Variants in HGD observed in about 807,000 individuals in gnomAD.
HGD encodes the protein homogentisate 1,2-dioxygenase, also known as homogentisate oxidase.
Under a neutral mutation model 60.8 loss-of-function variants are expected in HGD, and 61 were observed. The ratio of observed to expected loss-of-function variants is 1.00; its 90% CI spans 0.82 to 1.24. The LOEUF (loss-of-function observed/expected upper bound fraction) is 1.24. Ranked by LOEUF, HGD falls within the 50% of genes most tolerant of loss-of-function variation. The probability of loss-of-function intolerance (pLI) is 0.00; values close to 1 mark genes in which losing one functional copy is unlikely to be tolerated. For synonymous variants in HGD, 212 were observed against 187.7 expected, an observed-to-expected ratio of 1.13 and a Z score of -1.06; for missense variants, 542 against 547.1, an observed-to-expected ratio of 0.99 and a Z score of 0.09.
chr3:120,675,741 T>C, intron 2 of HGD, 51 bp downstream of exon 2: 1 of 1,426,280 alleles, frequency 7.0e-7, no homozygotes, highest in Non-Finnish European at 9.9e-7. Flanking sequence ...TGAAAGCTAG[T>C]CATCCAGGAA....
intron 5 of HGD, among the ~76,000 whole-genome samples, 182 bp from the exon 6 acceptor site, chr3:120,651,047 G>A (rs1941327790): frequency 6.6e-6 from 1 of 152,230 alleles, no homozygotes; most frequent in Non-Finnish European, 1.5e-5. Context: ...ATGTTTGGTA[G>A]TTTGTGGTTT....
At chr3:120,635,496 A>G (rs898897758) in intron 12 of HGD, among the ~76,000 whole-genome samples, 39 of 151,692 alleles carry the variant, frequency 2.6e-4, no homozygotes, top group Non-Finnish European at 2.4e-4. Context: ...AAAAAAAAAA[A>G]AAAGCTGAAT....
In HGD at chr3:120,650,766, C is replaced by A. The variant is rs745572601; in HGVS notation, c.434+8G>T. ...GGGCATGTCCTTCCCTAGAACTGAG[C>A]CACTTACCTGTTCTCCATGGAGGTA... On this transcript the variant is annotated splice_region_variant and intron_variant, in intron 6 of 13. Transcript: ENST00000283871. 2.5e-6 allele frequency: 4 copies of A among 1,607,302 alleles called. No individual in the cohort carries two copies. Among genetic ancestry groups the A allele is most frequent in the Non-Finnish European group, 3.4e-6 (4 of 1,173,830 alleles).
chr3:120,668,906 T>G (rs1488521920), intron 4 of HGD, among the ~76,000 whole-genome samples: 1 of 152,162 alleles, frequency 6.6e-6, no homozygotes, highest in Non-Finnish European at 1.5e-5. Flanking sequence ...GGCAATACAC[T>G]GGGGTTCTCA....
rs564631079 is a variant in HGD, at chr3:120,659,980, A to T, written c.283-7329T>A. On this transcript the variant is annotated intron_variant, in intron 4 of 13. Transcript: ENST00000283871. Reference sequence around the variant, plus strand: ...GCATAATGGGGGTGGATTTCTCACGAATGGCTTAGCACTACCCTCTTGGTG... The same window carrying T: ...GCATAATGGGGGTGGATTTCTCACGTATGGCTTAGCACTACCCTCTTGGTG... 3.9e-5 allele frequency among the ~76,000 whole-genome samples: 6 copies of T among 152,014 alleles called. No individual in the cohort carries two copies. In the East Asian group the frequency reaches 1.2e-3, roughly 29 times the overall value.
chr3:120,639,570 C>T (rs903088004), intron 11 of HGD, among the ~76,000 whole-genome samples: 45 of 152,162 alleles, frequency 3.0e-4, no homozygotes, highest in African/African-American at 1.1e-3. Context: ...TGAGAACCAA[C>T]GGTGCCTGCT....
At chr3:120,655,887 C>T (rs1414395697) in intron 4 of HGD, among the ~76,000 whole-genome samples, 1 of 152,156 alleles carries the variant, frequency 6.6e-6, no homozygotes, top group Admixed American at 6.5e-5. Flanking sequence ...AACTATAATT[C>T]CATAATTCTC....
At chr3:120,669,904 C>G (rs1707986511) in intron 4 of HGD, among the ~76,000 whole-genome samples, 1 of 152,094 alleles carries the variant, frequency 6.6e-6, no homozygotes, top group Non-Finnish European at 1.5e-5. Flanking sequence ...AAATTCCCAC[C>G]TCATATCATT....
intron 9 of HGD, 118 bp from the exon 10 acceptor site, chr3:120,644,561 C>T (rs775652460): frequency 8.3e-6 from 13 of 1,569,178 alleles, no homozygotes; most frequent in African/African-American, 1.3e-5. Context: ...AAATTGCTTT[C>T]ATTGCTCAAA....
chr3:120,674,952 T>C lies in HGD; in HGVS notation c.125A>G (p.Glu42Gly). Reference sequence around the variant, plus strand: ...AGTGAAAGCCGATCCTGAGAGCTGCTCAGCATAGAGATTGTAGGGGCAGAC... The same window carrying C: ...AGTGAAAGCCGATCCTGAGAGCTGCCCAGCATAGAGATTGTAGGGGCAGAC... ...PQVCPYNLYA[E>G]QLSGSAFTCP... is the part of the protein sequence containing the mutation. Residue 42 changes from glutamate to glycine, a missense_variant, in exon 3 of 14, where the codon GAG becomes GGG. Transcript: ENST00000283871. 6.2e-7 allele frequency: 1 copy of C among 1,612,132 alleles called. No individual in the cohort carries two copies. The highest frequency in any genetic ancestry group is 8.5e-7 in the Non-Finnish European group (1 of 1,178,474).
chr3:120,644,280 C>T, intron 10 of HGD, 39 bp downstream of exon 10: 1 of 1,612,658 alleles, frequency 6.2e-7, no homozygotes, highest in Non-Finnish European at 8.5e-7. Flanking sequence ...CTCAATCACT[C>T]TTCATTTCCT....
chr3:120,655,413 A>C (rs539633329), intron 4 of HGD, among the ~76,000 whole-genome samples: 3 of 152,344 alleles, frequency 2.0e-5, no homozygotes, highest in East Asian at 1.9e-4. Context: ...GATCCCCACC[A>C]AATGACAGAG....
Position 120,638,561 on chromosome 3 carries a change from T to C in HGD, c.900A>G (p.Val300=). Residue 300 remains valine, a synonymous_variant, in exon 12 of 14, where the codon GTA becomes GTG. Transcript: ENST00000283871. Reference sequence around the variant, plus strand: ...CAGGGCGGACAGACTTAGCAGTCAATACTGTGAAAATGGATGGGTCCTGTG... The same window carrying C: ...CAGGGCGGACAGACTTAGCAGTCAACACTGTGAAAATGGATGGGTCCTGTG... ...FDHADPSIFT[V]LTAKSVRPGV... 1.2e-6 allele frequency: 2 copies of C among 1,613,906 alleles called. No individual in the cohort carries two copies. Among genetic ancestry groups the C allele is most frequent in the Non-Finnish European group, 8.5e-7 (1 of 1,179,914 alleles).
At chr3:120,675,034 G>T in intron 2 of HGD, 45 bp from the exon 3 acceptor site, 1 of 1,362,426 alleles carries the variant, frequency 7.3e-7, no homozygotes, top group Non-Finnish European at 1.0e-6. Flanking sequence ...CATCCGAAAA[G>T]CATCCCACCT....
chr3:120,643,166 C>A (rs985898767), intron 10 of HGD, among the ~76,000 whole-genome samples: 1 of 152,136 alleles, frequency 6.6e-6, no homozygotes. Context: ...CTCTGTCGCC[C>A]GGGCTGGAGT....
chr3:120,675,672 C>A, intron 2 of HGD, 120 bp downstream of exon 2: 1 of 776,402 alleles, frequency 1.3e-6, no homozygotes, highest in Non-Finnish European at 2.3e-6. Context: ...ACTTGGGAAA[C>A]CTCTAGACAG....
At chr3:120,657,544 A>C (rs1025867786) in intron 4 of HGD, among the ~76,000 whole-genome samples, 9 of 152,152 alleles carry the variant, frequency 5.9e-5, no homozygotes, top group African/African-American at 4.8e-5. Context: ...ATATCATTAG[A>C]AGTGAGTACC....
At position 120,644,379 on chromosome 3, in the gene HGD, T is replaced by A. The variant is rs1194507329; in HGVS notation, c.714A>T (p.Gln238His). 1 of 1,614,148 alleles carries A rather than the reference T, an allele frequency of 6.2e-7. No individual in the cohort carries two copies. Among genetic ancestry groups the A allele is most frequent in the East Asian group, 2.2e-5 (1 of 44,882 alleles). The change falls in exon 10 of 14, where the codon CAA becomes CAT. Residue 238 changes from glutamine to histidine, a missense_variant. Transcript: ENST00000283871. ...TAATGACCGTGTAACCACCTGGTAC[T>A]TGGCGATCCTCATACCAGGCAATGG... ...LIPIAWYEDR[Q>H]VPGGYTVINK...
At chr3:120,631,772 G>T (rs1940598524) in intron 13 of HGD, among the ~76,000 whole-genome samples, 1 of 152,192 alleles carries the variant, frequency 6.6e-6, no homozygotes, top group African/African-American at 2.4e-5. Context: ...GTCTAGGTAA[G>T]ATGTTGGACC....
Sources: allele counts gnomAD v4.1 joint callset (sites outside exome capture counted in the v4.1 genomes callset), GRCh38; gene constraint gnomAD v4.1.1; transcripts MANE v1.5; gene names NCBI Gene and HGNC (gene_info 2026-07-23, HGNC 2026-07-21).